The following ATP8B2 variants were observed in gnomAD, a reference collection of about 807,000 sequenced individuals.
ATP8B2 encodes ATPase phospholipid transporting 8B2.
Under a neutral mutation model 133.4 loss-of-function variants are expected in ATP8B2, and 70 were observed. The ratio of observed to expected loss-of-function variants is 0.52; its 90% CI spans 0.43 to 0.64. The LOEUF (loss-of-function observed/expected upper bound fraction) is 0.64, where lower values mean the gene tolerates loss of function less well. Ranked by LOEUF, ATP8B2 falls within the 30% of genes least tolerant of loss-of-function variation. The pLI, the probability that ATP8B2 is intolerant of heterozygous loss-of-function variation, is 0.00. For synonymous variants in ATP8B2, 517 were observed against 589.5 expected, an observed-to-expected ratio of 0.88 and a Z score of 1.78; for missense variants, 1,101 against 1,535.7, an observed-to-expected ratio of 0.72 and a Z score of 4.73.
At chr1:154,329,894 G>A (rs538510132) in intron 2 of ATP8B2, among the ~76,000 whole-genome samples, 108 of 152,212 alleles carry the variant, frequency 7.1e-4, no homozygotes, top group Admixed American at 4.5e-3. Context: ...GGATGCTCCC[G>A]CAGAGCAGCT....
chr1:154,331,166 C>A lies in ATP8B2; in HGVS notation c.303+20C>A. On this transcript the variant is annotated intron_variant, in intron 5 of 27. Coordinates refer to ENST00000368489, the MANE Select transcript of ATP8B2 (RefSeq NM_001370597.1). The surrounding 1 kb of genome is among the most constrained non-coding windows in gnomAD (Gnocchi z 4.8). ...GACTATGTGAGTGGTTTTCATTCTT[C>A]TATTTTGTCCCAGTCACCCACCCCT... is the stretch of plus-strand genomic sequence containing the variant. The A allele has an allele frequency of 6.2e-7, 1 of 1,604,580 alleles. No homozygotes were observed. The highest frequency in any genetic ancestry group is 8.5e-7 in the Non-Finnish European group (1 of 1,171,834).
At position 154,334,962 on chromosome 1, in the gene ATP8B2, G is replaced by T. The variant is rs1686125891; in HGVS notation, c.837+371G>T. ...TTTCCATTTGGAAGAGGTTGGCAGG[G>T]TCTTTTCCCCCCAACTTCTAAGAAC... is the stretch of plus-strand genomic sequence containing the variant. On this transcript the variant is annotated intron_variant, in intron 11 of 27. Coordinates refer to ENST00000368489, the MANE Select transcript of ATP8B2 (RefSeq NM_001370597.1). This position sits in a 1 kb window ranked among gnomAD's most constrained non-coding sequence, Gnocchi z 4.6. 6.6e-6 allele frequency among the ~76,000 whole-genome samples: 1 copy of T among 152,146 alleles called. No individual in the cohort carries two copies. The highest frequency in any genetic ancestry group is 2.4e-5 in the African/African-American group (1 of 41,420).
At position 154,337,507 on chromosome 1, in the gene ATP8B2, A is replaced by C. The variant is rs1373907594; in HGVS notation, c.997A>C (p.Ile333Leu). The C allele has an allele frequency of 6.2e-7, 1 of 1,614,166 alleles. No individual in the cohort carries two copies. The highest frequency in any genetic ancestry group is 8.5e-7 in the Non-Finnish European group (1 of 1,180,026). ...GFLSFWSYII[I>L]LNTVVPISLY... ...CCTCTCCTTCTGGTCCTACATCATC[A>C]TCCTCAACACCGTTGTGCCCATTTC... is the stretch of plus-strand genomic sequence containing the variant. Residue 333 changes from isoleucine (I) to leucine (L), a missense_variant, in exon 12 of 28, where the codon ATC becomes CTC. Physicochemically the swap from Ile to Leu is conservative, Grantham distance 5. Transcript: ENST00000368489.
chr1:154,328,054 G>A lies in ATP8B2; in HGVS notation c.-37-51G>A. On this transcript the variant is annotated intron_variant, in intron 1 of 27. Coordinates refer to ENST00000368489, the MANE Select transcript of ATP8B2 (RefSeq NM_001370597.1). The surrounding 1 kb of genome is among the most constrained non-coding windows in gnomAD (Gnocchi z 4.6). ...TTCAAAAGAGGTCTCATGAGGGGAG[G>A]GAAGGGTTATCCTCAGCTTCCTGAC... 6.3e-7 allele frequency: 1 copy of A among 1,584,670 alleles called. No homozygotes were observed. Among genetic ancestry groups the A allele is most frequent in the Admixed American group, 1.7e-5 (1 of 59,968 alleles).
intron 26 of ATP8B2, 31 bp from the exon 27 acceptor site, chr1:154,348,377 C>G: frequency 6.3e-7 from 1 of 1,583,768 alleles, no homozygotes; most frequent in Non-Finnish European, 8.6e-7. Flanking sequence ...CCTCGTGACT[C>G]CCAAGGCCAC....
intron 13 of ATP8B2, chr1:154,341,562 C>T (rs1016174017): frequency 5.9e-4 from 107 of 181,350 alleles, no homozygotes; most frequent in African/African-American, 2.4e-3. Context: ...CCTGGCTGGG[C>T]GCAGTGGATC....
chr1:154,346,899 G>A lies in ATP8B2; in HGVS notation c.3163+141G>A, dbSNP rs1686603374. ...TTTATTTATTTATTTATTTATTTTC[G>A]AGAAGGAGTCTTGCCCAGGCTGGAG... On this transcript the variant is annotated intron_variant, in intron 26 of 27. Transcript: ENST00000368489. This position sits in a 1 kb window ranked among gnomAD's most constrained non-coding sequence, Gnocchi z 4.5. 5 of 756,774 alleles carry A rather than the reference G, an allele frequency of 6.6e-6. No homozygotes were observed. Among genetic ancestry groups the A allele is most frequent in the South Asian group, 5.0e-5 (2 of 40,020 alleles). The allele number at this position is 756,774 out of a possible 1,614,324, so 46.9% of individuals were successfully genotyped here. A position where few individuals can be genotyped will look rare whatever the true frequency, so the allele number is the denominator to read the frequency against.
At position 154,343,586 on chromosome 1, in the gene ATP8B2, A is replaced by C. The variant is rs764240474; in HGVS notation, c.1758+18A>C. On this transcript the variant is annotated intron_variant, in intron 17 of 27. Transcript: ENST00000368489. The surrounding 1 kb of genome is among the most constrained non-coding windows in gnomAD (Gnocchi z 5.8). ...ACCTTAATGTGGGTGTGAGGAGAGG[A>C]GGGGCCAGCCTGGGGGGTTCTACTC... 9.3e-6 allele frequency: 15 copies of C among 1,609,698 alleles called. No homozygotes were observed. The highest frequency in any genetic ancestry group is 1.3e-5 in the Non-Finnish European group (15 of 1,176,394).
intron 13 of ATP8B2, 35 bp downstream of exon 13, chr1:154,341,097 C>G (rs373752443): frequency 6.2e-7 from 1 of 1,608,650 alleles, no homozygotes; most frequent in African/African-American, 1.3e-5. Flanking sequence ...GGGGCTTGCA[C>G]CTCGCCTGGA....
Position 154,344,103 on chromosome 1 carries a change from C to T in ATP8B2, c.1924-40C>T. On this transcript the variant is annotated intron_variant, in intron 18 of 27. Coordinates refer to ENST00000368489, the MANE Select transcript of ATP8B2 (RefSeq NM_001370597.1). This position sits in a 1 kb window ranked among gnomAD's most constrained non-coding sequence, Gnocchi z 4.1. Reference sequence around the variant, plus strand: ...CAAGGATGGGCACGGAGGGCTCATGCCTGCAATTCTTGTGCCAGGAATCCT... The same window carrying T: ...CAAGGATGGGCACGGAGGGCTCATGTCTGCAATTCTTGTGCCAGGAATCCT... 1.2e-6 allele frequency: 2 copies of T among 1,614,190 alleles called. No individual in the cohort carries two copies. The highest frequency in any genetic ancestry group is 1.7e-6 in the Non-Finnish European group (2 of 1,180,014).
At chr1:154,326,570 C>CCT (rs1248605754) in intron 1 of ATP8B2, among the ~76,000 whole-genome samples, 1 of 152,168 alleles carries the variant, frequency 6.6e-6, no homozygotes, top group East Asian at 1.9e-4. Context: ...CCAGGTCTCT[C>CCT]CTCTCTTCCC....
Position 154,345,265 on chromosome 1 carries a change from T to A in ATP8B2, c.2471-57T>A. On this transcript the variant is annotated intron_variant, in intron 22 of 27. Coordinates refer to ENST00000368489, the MANE Select transcript of ATP8B2 (RefSeq NM_001370597.1). The surrounding 1 kb of genome is among the most constrained non-coding windows in gnomAD (Gnocchi z 5.6). ...GGAAGGGGGTTGTAACTTGGTAGGC[T>A]CTAAAGTGTGTGGCCGGTGGCCATC... 1 of 1,609,738 alleles carries A rather than the reference T, an allele frequency of 6.2e-7. No homozygotes were observed. The highest frequency in any genetic ancestry group is 8.5e-7 in the Non-Finnish European group (1 of 1,177,094).
At position 154,334,143 on chromosome 1, in the gene ATP8B2, A is replaced by G; in HGVS notation, c.626A>G (p.Asp209Gly). Reference protein sequence around the residue: ...VICEPPNNKLDKFSGTLYWKE... With the variant: ...VICEPPNNKLGKFSGTLYWKE... ...TGTGAACCTCCCAACAACAAACTGG[A>G]CAAATTCAGCGGAACCCTCTACTGG... The change falls in exon 10 of 28, where the codon GAC becomes GGC. Residue 209 changes from aspartate to glycine, a missense_variant. Asp to Gly is a moderately conservative substitution (Grantham distance 94). Transcript: ENST00000368489. The surrounding 1 kb of genome is among the most constrained non-coding windows in gnomAD (Gnocchi z 4.6). The G allele has an allele frequency of 6.2e-7, 1 of 1,614,210 alleles. No homozygotes were observed. Among genetic ancestry groups the G allele is most frequent in the South Asian group, 1.1e-5 (1 of 91,092 alleles).
Position 154,331,210 on chromosome 1 carries a change from A to G in ATP8B2, c.303+64A>G, listed in dbSNP as rs1050140572. On this transcript the variant is annotated intron_variant, in intron 5 of 27. Transcript: ENST00000368489. The surrounding 1 kb of genome is among the most constrained non-coding windows in gnomAD (Gnocchi z 4.8). ...CACCCCTACTCCCAGCCCCACCCCC[A>G]TCTCATGGCCACCTTCATCCAGCAC... is the stretch of plus-strand genomic sequence containing the variant. 16 of 1,384,038 alleles carry G rather than the reference A, an allele frequency of 1.2e-5. No individual in the cohort carries two copies. In the Admixed American group the frequency reaches 1.9e-4, roughly 16 times the overall value. 85.7% of individuals were successfully genotyped at this position (1,384,038 alleles called of 1,614,324 possible).
In ATP8B2 at chr1:154,346,191, A is replaced by G; in HGVS notation, c.2779-40A>G. On this transcript the variant is annotated intron_variant, in intron 24 of 27. Coordinates refer to ENST00000368489, the MANE Select transcript of ATP8B2 (RefSeq NM_001370597.1). This position sits in a 1 kb window ranked among gnomAD's most constrained non-coding sequence, Gnocchi z 4.5. ...TTGGTCATCCAGGGTCAAAACGGCA[A>G]CCTCTGAGGCCCCCTATGCTACATG... 8.1e-6 allele frequency: 13 copies of G among 1,597,806 alleles called. No homozygotes were observed. Among genetic ancestry groups the G allele is most frequent in the Non-Finnish European group, 1.1e-5 (13 of 1,170,862 alleles).
rs1427004088 is a variant in ATP8B2, at chr1:154,332,710, G to A, written c.589+13G>A. The stretch of plus-strand genomic sequence containing the variant: ...GCCAAGTTTGACGGTGAGTAATTTT[G>A]GAGGAGCAGCCTGAAGGTAGAGGAG... On this transcript the variant is annotated intron_variant, in intron 9 of 27. Coordinates refer to ENST00000368489, the MANE Select transcript of ATP8B2 (RefSeq NM_001370597.1). 65 of 1,558,096 alleles carry A rather than the reference G, an allele frequency of 4.2e-5. No homozygotes were observed. Among genetic ancestry groups the A allele is most frequent in the Non-Finnish European group, 5.6e-5 (64 of 1,147,250 alleles).
chr1:154,344,825 G>A lies in ATP8B2; in HGVS notation c.2286+40G>A, dbSNP rs767650617. On this transcript the variant is annotated intron_variant, in intron 21 of 27. Coordinates refer to ENST00000368489, the MANE Select transcript of ATP8B2 (RefSeq NM_001370597.1). This position sits in a 1 kb window ranked among gnomAD's most constrained non-coding sequence, Gnocchi z 4.1. ...CCTTAGCTTGGGCAGTATCTTTCCA[G>A]TGAGCACTTCTGTCCAGGGCTTTTA... 1.3e-6 allele frequency: 2 copies of A among 1,575,418 alleles called. No homozygotes were observed. The highest frequency in any genetic ancestry group is 8.6e-7 in the Non-Finnish European group (1 of 1,156,196).
At position 154,340,909 on chromosome 1, in the gene ATP8B2, T is replaced by A; in HGVS notation, c.1090T>A (p.Phe364Ile). Residue 364 changes from phenylalanine (F) to isoleucine (I), a missense_variant, in exon 13 of 28, where the codon TTC (phenylalanine) becomes ATC (isoleucine). Phe to Ile is a conservative substitution (Grantham distance 21). Coordinates refer to ENST00000368489, the MANE Select transcript of ATP8B2 (RefSeq NM_001370597.1). This position sits in a 1 kb window ranked among gnomAD's most constrained non-coding sequence, Gnocchi z 4.0. ...SYFINWDKKM[F>I]CMKKRTPAEA... ...CTTCATCAACTGGGATAAGAAGATG[T>A]TCTGCATGAAGAAGCGGACGCCTGC... 1.2e-6 allele frequency: 2 copies of A among 1,614,162 alleles called. No individual in the cohort carries two copies. The highest frequency in any genetic ancestry group is 1.7e-6 in the Non-Finnish European group (2 of 1,180,022).
chr1:154,330,613 T>C, intron 3 of ATP8B2, 159 bp downstream of exon 3: 1 of 813,812 alleles, frequency 1.2e-6, no homozygotes, highest in Non-Finnish European at 2.0e-6. Context: ...GCTGAATTTT[T>C]CATGCCTTCA....
Sources: gnomAD v4.1 joint callset for allele counts (sites outside exome capture counted in the v4.1 genomes callset) on GRCh38, gnomAD v4.1.1 for gene constraint, Gnocchi (gnomAD v3.1) non-coding constraint, MANE v1.5 for transcripts, NCBI Gene and HGNC (gene_info 2026-07-23, HGNC 2026-07-21) for gene names.